The following KHDRBS2 variants were observed in gnomAD, a reference collection of about 807,000 sequenced individuals.
The protein encoded by KHDRBS2 is KH RNA binding domain containing, signal transduction associated 2, also known as KH domain-containing, RNA-binding, signal transduction-associated protein 2.
A neutral mutation model predicts 44.3 loss-of-function variants in KHDRBS2; 26 were observed. The observed-to-expected ratio is 0.59, with a 90% CI of 0.43 to 0.81. KHDRBS2 has a LOEUF of 0.81. KHDRBS2 is among the 40% of genes least tolerant of loss of function. The pLI, the probability that KHDRBS2 is intolerant of heterozygous loss-of-function variation, is 0.00. For synonymous variants in KHDRBS2, 194 were observed against 151.1 expected (o/e 1.28, Z -2.08); for missense variants, 476 against 433.1 (o/e 1.10, Z -0.88).
At chr6:61,922,349 G>A (rs1359142277) in intron 4 of KHDRBS2, among the ~76,000 whole-genome samples, 1 of 152,078 alleles carries the variant, frequency 6.6e-6, no homozygotes, top group African/African-American at 2.4e-5. Flanking sequence ...ACAGAGAGGA[G>A]TAATCTAGGT....
chr6:61,959,771 A>C (rs1437474417), intron 4 of KHDRBS2, among the ~76,000 whole-genome samples: 1 of 152,178 alleles, frequency 6.6e-6, no homozygotes, highest in Non-Finnish European at 1.5e-5. Context: ...GTCTGCATTC[A>C]CTGGCAGCCA....
chr6:61,760,739 G>T (rs1019073018), intron 6 of KHDRBS2, among the ~76,000 whole-genome samples: 68 of 152,160 alleles, frequency 4.5e-4, no homozygotes, highest in African/African-American at 1.4e-3. Context: ...TAGCTTATTT[G>T]AAATGAAAAC....
At chr6:62,213,677 A>T (rs1295593749) in intron 1 of KHDRBS2, among the ~76,000 whole-genome samples, 1 of 151,934 alleles carries the variant, frequency 6.6e-6, no homozygotes, top group Non-Finnish European at 1.5e-5. Context: ...GATCAAGACC[A>T]TCCTGGCTAA....
intron 2 of KHDRBS2, among the ~76,000 whole-genome samples, chr6:62,135,625 C>T (rs1404649880): frequency 6.6e-6 from 1 of 152,024 alleles, no homozygotes; most frequent in Non-Finnish European, 1.5e-5. Context: ...TGGAAACAAC[C>T]TCAGTGTCCA....
chr6:62,073,523 CTTTTTTCT>C (rs1562793833), intron 2 of KHDRBS2, among the ~76,000 whole-genome samples: 1 of 114,348 alleles, frequency 8.7e-6, no homozygotes, highest in African/African-American at 3.5e-5. Flanking sequence ...TGATTTTTTT[CTTTTTTCT>C]TTTTTTTTTT....
the KHDRBS2 span, among the ~76,000 whole-genome samples, chr6:61,619,647 T>A: frequency 6.6e-6 from 1 of 151,844 alleles, no homozygotes; most frequent in Non-Finnish European, 1.5e-5. Context: ...AGAGAAGGGG[T>A]TTCTCCATGT....
chr6:61,948,730 C>G (rs1346292320), intron 4 of KHDRBS2, among the ~76,000 whole-genome samples: 1 of 150,472 alleles, frequency 6.6e-6, no homozygotes, highest in African/African-American at 2.4e-5. Context: ...CCAGGCTGGT[C>G]TTGAACTCCT....
At chr6:62,108,120 T>C (rs1803956460) in intron 2 of KHDRBS2, among the ~76,000 whole-genome samples, 1 of 152,100 alleles carries the variant, frequency 6.6e-6, no homozygotes, top group African/African-American at 2.4e-5. Context: ...AAAGAGCTTC[T>C]GCACAGCAAA....
chr6:61,720,529 T>G (rs2127555117), intron 7 of KHDRBS2, among the ~76,000 whole-genome samples: 1 of 152,336 alleles, frequency 6.6e-6, no homozygotes, highest in Non-Finnish European at 1.5e-5. Flanking sequence ...TGATGGCCAG[T>G]GATGGTGAAC....
At chr6:62,247,158 C>T in intron 1 of KHDRBS2, among the ~76,000 whole-genome samples, 1 of 151,962 alleles carries the variant, frequency 6.6e-6, no homozygotes, top group Non-Finnish European at 1.5e-5. Context: ...ATTTAAAAAT[C>T]TACCTACTAG....
chr6:62,213,902 A>G (rs1009147792), intron 1 of KHDRBS2, among the ~76,000 whole-genome samples: 4 of 145,778 alleles, frequency 2.7e-5, no homozygotes, highest in Non-Finnish European at 6.0e-5. Flanking sequence ...AAAAAAAAAA[A>G]AGAATGAAGT....
chr6:61,589,207 G>T, the KHDRBS2 span, among the ~76,000 whole-genome samples: 3 of 152,108 alleles, frequency 2.0e-5, no homozygotes, highest in Admixed American at 1.3e-4. Flanking sequence ...AAATCTGCAT[G>T]TTCAGCACAT....
the KHDRBS2 span, among the ~76,000 whole-genome samples, chr6:61,586,628 T>G: frequency 0.62 from 93,645 of 152,038 alleles, 29,070 homozygotes; most frequent in Non-Finnish European, 0.65. Context: ...ATGACATTTG[T>G]AAAGAGAAAG....
At chr6:61,722,067 A>G (rs1418782019) in intron 7 of KHDRBS2, among the ~76,000 whole-genome samples, 12 of 151,830 alleles carry the variant, frequency 7.9e-5, no homozygotes, top group Non-Finnish European at 1.3e-4. Context: ...TTCTGTTTAT[A>G]TGCTGGATTA....
chr6:61,645,424 T>C, the KHDRBS2 span, among the ~76,000 whole-genome samples: 2 of 150,696 alleles, frequency 1.3e-5, no homozygotes, highest in African/African-American at 4.9e-5. Flanking sequence ...GTGAGATGAA[T>C]GTACCTACAT....
intron 1 of KHDRBS2, among the ~76,000 whole-genome samples, chr6:62,188,385 G>A (rs1823886935): frequency 6.6e-6 from 1 of 152,116 alleles, no homozygotes; most frequent in East Asian, 1.9e-4. Context: ...GATATCAGAT[G>A]TAAGTGGAAT....
rs1490814461 is a variant in KHDRBS2 at position 61,894,640 on chromosome 6, C to T, written c.805G>A (p.Glu269Lys). The T allele has an allele frequency of 6.2e-7, 1 of 1,609,908 alleles. No individual in the cohort carries two copies. Among genetic ancestry groups the T allele is most frequent in the Admixed American group, 1.7e-5 (1 of 58,836 alleles). ...PPPPAHEAYE[E>K]YGYDDGYGGE... ...TATTTCTTAAGAGTACTTACATATTCTTCATAAGCTTCATGGGCTGGAGGA... is the reference window on the plus strand; with the variant it reads ...TATTTCTTAAGAGTACTTACATATTTTTCATAAGCTTCATGGGCTGGAGGA... Residue 269 changes from glutamate to lysine, a missense_variant, in exon 6 of 9, where the codon GAA becomes AAA. Coordinates refer to ENST00000281156, the MANE Select transcript of KHDRBS2 (RefSeq NM_152688.4).
intron 4 of KHDRBS2, among the ~76,000 whole-genome samples, chr6:61,902,324 A>G (rs1399858890): frequency 2.6e-5 from 4 of 152,312 alleles, no homozygotes; most frequent in South Asian, 2.1e-4. Context: ...AGAGCCAGAG[A>G]AAAAGGTAAA....
At chr6:61,544,610 G>C in the KHDRBS2 span, among the ~76,000 whole-genome samples, 2 of 152,140 alleles carry the variant, frequency 1.3e-5, no homozygotes, top group East Asian at 3.9e-4. Context: ...CTGACTCTCA[G>C]GTGTGGCTGA....
Sources: gnomAD v4.1 joint callset for allele counts (sites outside exome capture counted in the v4.1 genomes callset) on GRCh38, gnomAD v4.1.1 for gene constraint, MANE v1.5 for transcripts, NCBI Gene and HGNC (gene_info 2026-07-23, HGNC 2026-07-21) for gene names.